SGPP2: variants seen among roughly 807,000 people sequenced by gnomAD.
The protein encoded by SGPP2 is sphingosine 1-phosphate phosphohydrolase 2.
In SGPP2, 30 loss-of-function variants were observed where a neutral mutation model predicts 33.9. That is an observed-to-expected ratio of 0.89 (90% CI 0.66 to 1.20). The LOEUF (loss-of-function observed/expected upper bound fraction) is 1.20. Ranked by LOEUF, SGPP2 falls within the 50% of genes most tolerant of loss-of-function variation. SGPP2 has a pLI of 0.00. For missense variants in SGPP2, 458 were observed against 532.1 expected (o/e 0.86, Z 1.37); for synonymous variants, 233 against 225.0 (o/e 1.04, Z -0.32).
At chr2:222,479,217 C>G (rs998846825) in intron 2 of SGPP2, among the ~76,000 whole-genome samples, 7 of 152,044 alleles carry the variant, frequency 4.6e-5, no homozygotes, top group African/African-American at 1.7e-4. Flanking sequence ...CTTAGAAGAA[C>G]GCAGCTAAGT....
chr2:222,453,211 A>G, intron 1 of SGPP2: 1 of 774,812 alleles, frequency 1.3e-6, no homozygotes, highest in Non-Finnish European at 2.4e-6. Context: ...CTTCAGGCCC[A>G]CAAATGACAG....
At chr2:222,553,920 A>G (rs1393147771) in intron 4 of SGPP2, among the ~76,000 whole-genome samples, 2 of 152,154 alleles carry the variant, frequency 1.3e-5, no homozygotes, top group Non-Finnish European at 2.9e-5. Flanking sequence ...TCCTCCACTC[A>G]GAATTCTTAT....
At chr2:222,456,089 A>C (rs1033883795) in intron 1 of SGPP2, among the ~76,000 whole-genome samples, 2 of 152,218 alleles carry the variant, frequency 1.3e-5, no homozygotes, top group African/African-American at 4.8e-5. Flanking sequence ...TAAAATAAAT[A>C]AATAAATGTA....
intron 4 of SGPP2, among the ~76,000 whole-genome samples, chr2:222,531,400 T>G (rs776870869): frequency 6.6e-6 from 1 of 152,208 alleles, no homozygotes; most frequent in South Asian, 2.1e-4. Context: ...GAAGACATTA[T>G]GTTAAGTGAG....
chr2:222,483,337 C>T (rs1312009108), intron 2 of SGPP2, among the ~76,000 whole-genome samples: 1 of 151,576 alleles, frequency 6.6e-6, no homozygotes, highest in African/African-American at 2.4e-5. Flanking sequence ...AGCCAAAGTC[C>T]TGGTGATAAG....
intron 4 of SGPP2, among the ~76,000 whole-genome samples, chr2:222,556,520 T>TCCTC (rs1190291640): frequency 1.0e-5 from 1 of 96,156 alleles, no homozygotes; most frequent in Admixed American, 1.1e-4. Context: ...CCACCCTCAC[T>TCCTC]CCTCCCTCCC....
chr2:222,449,349 C>T lies in SGPP2; in HGVS notation c.219+24528C>T, dbSNP rs185247615. ...CACAAACACAAATTCATTTAGTTAACCTAGGACTGAAAAGCCCACCTGGGC... is the reference window on the plus strand; with the variant it reads ...CACAAACACAAATTCATTTAGTTAATCTAGGACTGAAAAGCCCACCTGGGC... On this transcript the variant is annotated intron_variant, in intron 1 of 4. Coordinates refer to ENST00000321276, the MANE Select transcript of SGPP2 (RefSeq NM_152386.4). 7.6e-4 allele frequency among the ~76,000 whole-genome samples: 116 copies of T among 152,260 alleles called. 1 individual carries two copies. The highest frequency in any genetic ancestry group is 1.4e-3 in the Non-Finnish European group (93 of 68,022).
intron 2 of SGPP2, among the ~76,000 whole-genome samples, chr2:222,520,485 C>G (rs1303231686): frequency 6.6e-6 from 1 of 152,144 alleles, no homozygotes; most frequent in African/African-American, 2.4e-5. Flanking sequence ...AATCCCAGCA[C>G]TTTGGGAGGC....
intron 3 of SGPP2, among the ~76,000 whole-genome samples, chr2:222,522,912 G>C (rs1698708689): frequency 6.6e-6 from 1 of 152,174 alleles, no homozygotes; most frequent in African/African-American, 2.4e-5. Context: ...TGAACTCCTG[G>C]CCTCAAGCAA....
rs375958393 is a variant in SGPP2, at chr2:222,430,557, G to A, written c.219+5736G>A. On this transcript the variant is annotated intron_variant, in intron 1 of 4. Transcript: ENST00000321276. ...TAGTCTCGAACTCCTGGGCTCAAGC[G>A]ATCCTCCTGCCTTGGCCTCCCAAAG... 6.6e-5 allele frequency among the ~76,000 whole-genome samples: 10 copies of A among 152,216 alleles called. No individual in the cohort carries two copies. The East Asian group carries it at 9.7e-4, about 15-fold the overall frequency.
At chr2:222,471,494 AATTT>A (rs1697841254) in intron 1 of SGPP2, among the ~76,000 whole-genome samples, 1 of 152,092 alleles carries the variant, frequency 6.6e-6, no homozygotes, top group Non-Finnish European at 1.5e-5. Context: ...ATCCTTTAAA[AATTT>A]ATTCCCCCAA....
chr2:222,525,003 C>T lies in SGPP2; in HGVS notation c.618C>T (p.Ser206=), dbSNP rs1378595415. 2 of 1,614,056 alleles carry T rather than the reference C, an allele frequency of 1.2e-6. No homozygotes were observed. Among genetic ancestry groups the T allele is most frequent in the Admixed American group, 3.3e-5 (2 of 60,010 alleles). Reference sequence around the variant, plus strand: ...TGTTTTCCACCTTGGTGTGTCTCAGCAGGCTCTACACTGGGATGCATACGG... The same window carrying T: ...TGTTTTCCACCTTGGTGTGTCTCAGTAGGCTCTACACTGGGATGCATACGG... ...AVVFSTLVCL[S]RLYTGMHTVL... is the part of the protein sequence containing the mutation. The change falls in exon 4 of 5, where the codon AGC becomes AGT. Residue 206 remains serine, a synonymous_variant. Transcript: ENST00000321276.
intron 4 of SGPP2, among the ~76,000 whole-genome samples, chr2:222,537,551 T>C (rs1264408467): frequency 6.6e-6 from 1 of 152,178 alleles, no homozygotes; most frequent in East Asian, 1.9e-4. Flanking sequence ...GCCTGTGAGA[T>C]TGGTTTTAAA....
intron 4 of SGPP2, among the ~76,000 whole-genome samples, chr2:222,552,987 T>C (rs1212160378): frequency 1.3e-5 from 2 of 152,150 alleles, no homozygotes; most frequent in Non-Finnish European, 2.9e-5. Flanking sequence ...TTCCTGTAAC[T>C]CAATGTCTGC....
In SGPP2 at chr2:222,477,829, C is replaced by G. The variant is rs1473647821; in HGVS notation, c.378+3103C>G. Among the ~76,000 whole-genome samples the G allele has an allele frequency of 6.6e-6, 1 of 152,090 alleles. No homozygotes were observed. The highest frequency in any genetic ancestry group is 1.5e-5 in the Non-Finnish European group (1 of 68,010). ...CATTATTGGTGGTTATTTTCTGCTTCGGATTCCTCACTTCAAAGCGTCAGA... is the reference window on the plus strand; with the variant it reads ...CATTATTGGTGGTTATTTTCTGCTTGGGATTCCTCACTTCAAAGCGTCAGA... On this transcript the variant is annotated intron_variant, in intron 2 of 4. Coordinates refer to ENST00000321276, the MANE Select transcript of SGPP2 (RefSeq NM_152386.4). The surrounding 1 kb of genome is among the most constrained non-coding windows in gnomAD (Gnocchi z 6.0).
intron 4 of SGPP2, among the ~76,000 whole-genome samples, chr2:222,542,640 T>C (rs1198870380): frequency 6.6e-6 from 1 of 152,218 alleles, no homozygotes; most frequent in Non-Finnish European, 1.5e-5. Context: ...CAATTTCTCC[T>C]AATAATGACA....
At position 222,561,811 on chromosome 2, in the gene SGPP2, A is replaced by C. The variant is rs1442086730; in HGVS notation, c.*2913A>C. 1.4e-5 allele frequency among the ~76,000 whole-genome samples: 2 copies of C among 142,332 alleles called. No homozygotes were observed. Among genetic ancestry groups the C allele is most frequent in the Non-Finnish European group, 3.0e-5 (2 of 66,238 alleles). 93.4% of individuals were successfully genotyped at this position (142,332 alleles called of 152,430 possible). ...TTCTGAGCACTCCTGCTCTGTGGTG[A>C]GAATCAGACAAAAATTCATCGGGGT... On this transcript the variant is annotated 3_prime_UTR_variant, in exon 5 of 5. Transcript: ENST00000321276.
chr2:222,444,198 C>T (rs1476475613), intron 1 of SGPP2, among the ~76,000 whole-genome samples: 1 of 152,182 alleles, frequency 6.6e-6, no homozygotes, highest in Non-Finnish European at 1.5e-5. Flanking sequence ...TGCAGATCTA[C>T]TTTCTTATGC....
intron 1 of SGPP2, among the ~76,000 whole-genome samples, chr2:222,434,800 G>T (rs571521591): frequency 3.9e-4 from 59 of 152,130 alleles, no homozygotes; most frequent in African/African-American, 1.4e-3. Flanking sequence ...AGCTAAAAAA[G>T]ACCAGGCCTT....
Sources: gnomAD v4.1 joint callset for allele counts (sites outside exome capture counted in the v4.1 genomes callset) on GRCh38, gnomAD v4.1.1 for gene constraint, Gnocchi (gnomAD v3.1) non-coding constraint, MANE v1.5 for transcripts, NCBI Gene and HGNC (gene_info 2026-07-23, HGNC 2026-07-21) for gene names.